POU6F2: variants seen among roughly 807,000 people sequenced by gnomAD.
POU6F2 encodes the protein POU class 6 homeobox 2.
A neutral mutation model predicts 71.3 loss-of-function variants in POU6F2; 31 were observed. The ratio of observed to expected loss-of-function variants is 0.43; its 90% confidence interval spans 0.33 to 0.59. The LOEUF (loss-of-function observed/expected upper bound fraction) is 0.59. POU6F2 is among the 20% of genes least tolerant of loss of function. POU6F2 has a pLI of 0.04. For synonymous variants in POU6F2, 347 were observed against 355.7 expected (o/e 0.98, Z 0.27); for missense variants, 783 against 856.8 (o/e 0.91, Z 1.07).
intron 1 of POU6F2, among the ~76,000 whole-genome samples, chr7:38,983,060 C>T (rs986475079): frequency 6.6e-6 from 1 of 152,080 alleles, no homozygotes; most frequent in African/African-American, 2.4e-5. Flanking sequence ...AAAAACTTCA[C>T]TTTTCAATTG....
chr7:39,460,015 G>T lies in POU6F2; in HGVS notation c.1490-532G>T, dbSNP rs1246788993. 2.6e-5 allele frequency among the ~76,000 whole-genome samples: 4 copies of T among 152,168 alleles called. No homozygotes were observed. The highest frequency in any genetic ancestry group is 5.9e-5 in the Non-Finnish European group (4 of 68,032). On this transcript the variant is annotated intron_variant, in intron 8 of 9. Transcript: ENST00000518318. This position sits in a 1 kb window ranked among gnomAD's most constrained non-coding sequence, Gnocchi z 4.4. Reference sequence around the variant, plus strand: ...GCTCTTCTGAGGGACTAATGTGAATGTAAGAAATTAGGCAACATTATCATC... The same window carrying T: ...GCTCTTCTGAGGGACTAATGTGAATTTAAGAAATTAGGCAACATTATCATC...
At chr7:39,099,255 A>G (rs919983275) in intron 2 of POU6F2, among the ~76,000 whole-genome samples, 1 of 152,204 alleles carries the variant, frequency 6.6e-6, no homozygotes, top group African/African-American at 2.4e-5. Context: ...TGGCCTTGAG[A>G]AGTGTTATGA....
chr7:38,993,228 T>C (rs1378548581), intron 1 of POU6F2, among the ~76,000 whole-genome samples: 1 of 152,098 alleles, frequency 6.6e-6, no homozygotes, highest in East Asian at 1.9e-4. Context: ...TACATATACA[T>C]ATATTCCTAT....
At chr7:39,340,802 AACTTAG>A (rs1785902031) in intron 5 of POU6F2, among the ~76,000 whole-genome samples, 1 of 32,482 alleles carries the variant, frequency 3.1e-5, no homozygotes. Context: ...AACCATTTTT[AACTTAG>A]GTGTCTTTAA....
chr7:39,006,261 TGAGGCCA>T (rs945465159), intron 1 of POU6F2, among the ~76,000 whole-genome samples: 6 of 152,032 alleles, frequency 3.9e-5, no homozygotes, highest in African/African-American at 1.4e-4. Flanking sequence ...GTCAGGAGTT[TGAGGCCA>T]GCCTGGCCAA....
At chr7:38,990,699 T>A (rs185655259) in intron 1 of POU6F2, among the ~76,000 whole-genome samples, 1 of 152,116 alleles carries the variant, frequency 6.6e-6, no homozygotes, top group African/African-American at 2.4e-5. Flanking sequence ...ATATATCTTA[T>A]ATCTTGTACC....
chr7:39,365,832 T>G (rs957175594), intron 5 of POU6F2, among the ~76,000 whole-genome samples: 6 of 152,162 alleles, frequency 3.9e-5, no homozygotes, highest in Non-Finnish European at 7.3e-5. Context: ...TCTAGGTGTG[T>G]GGGTAAAATG....
At chr7:39,334,490 C>T (rs1348742916) in intron 4 of POU6F2, among the ~76,000 whole-genome samples, 1 of 151,878 alleles carries the variant, frequency 6.6e-6, no homozygotes, top group African/African-American at 2.4e-5. Flanking sequence ...ACATATACCT[C>T]CTGAATCTAA....
At chr7:39,260,287 C>T (rs1438075832) in intron 4 of POU6F2, among the ~76,000 whole-genome samples, 3 of 149,724 alleles carry the variant, frequency 2.0e-5, no homozygotes, top group African/African-American at 7.4e-5. Flanking sequence ...ACCACACACA[C>T]TCTCCATACC....
intron 6 of POU6F2, among the ~76,000 whole-genome samples, chr7:39,428,330 G>A (rs1788019849): frequency 6.6e-6 from 1 of 152,208 alleles, no homozygotes; most frequent in Admixed American, 6.5e-5. Context: ...CAACAACCAA[G>A]TAAGTCCTGT....
chr7:39,045,683 A>G (rs1790278813), intron 1 of POU6F2, among the ~76,000 whole-genome samples: 1 of 151,812 alleles, frequency 6.6e-6, no homozygotes, highest in Admixed American at 6.6e-5. Context: ...CACTGTCTTC[A>G]TTCCAAAATG....
chr7:39,027,592 T>TTCAA (rs986330940), intron 1 of POU6F2, among the ~76,000 whole-genome samples: 39 of 152,334 alleles, frequency 2.6e-4, no homozygotes, highest in African/African-American at 8.2e-4. Flanking sequence ...GACTTTCAAT[T>TTCAA]TCAAGGAGTT....
At chr7:39,320,874 G>A (rs1785374922) in intron 4 of POU6F2, among the ~76,000 whole-genome samples, 1 of 152,194 alleles carries the variant, frequency 6.6e-6, no homozygotes, top group South Asian at 2.1e-4. Flanking sequence ...GGCCAACATA[G>A]TGAGACCCCA....
At chr7:39,138,224 TA>T (rs1331655362) in intron 2 of POU6F2, among the ~76,000 whole-genome samples, 2 of 152,262 alleles carry the variant, frequency 1.3e-5, no homozygotes, top group African/African-American at 4.8e-5. Flanking sequence ...AGAAATAAAT[TA>T]GGTGATGCAA....
intron 1 of POU6F2, among the ~76,000 whole-genome samples, chr7:39,052,799 A>G (rs1219548551): frequency 4.6e-5 from 7 of 152,178 alleles, no homozygotes; most frequent in African/African-American, 1.4e-4. Context: ...TTATTTATTC[A>G]TCCACTTGTT....
intron 2 of POU6F2, among the ~76,000 whole-genome samples, chr7:39,102,616 A>G (rs565074857): frequency 1.1e-4 from 16 of 152,324 alleles, no homozygotes; most frequent in African/African-American, 3.8e-4. Flanking sequence ...ATCTAGGGAC[A>G]GAGGTAAATA....
chr7:39,216,034 T>A (rs1794236326), intron 4 of POU6F2, among the ~76,000 whole-genome samples: 2 of 152,216 alleles, frequency 1.3e-5, no homozygotes, highest in African/African-American at 4.8e-5. Context: ...GCAGTGGCTC[T>A]TAAAGCTTCA....
intron 2 of POU6F2, among the ~76,000 whole-genome samples, chr7:39,121,436 GTGGCACAATTAAGAA>G (rs1267343807): frequency 2.0e-5 from 3 of 152,172 alleles, no homozygotes; most frequent in Non-Finnish European, 2.9e-5. Flanking sequence ...CCTTTGCCAG[GTGGCACAATTAAGAA>G]TGGCAGTTTA....
chr7:39,150,052 A>AT (rs1227101353), intron 2 of POU6F2, among the ~76,000 whole-genome samples: 6 of 151,636 alleles, frequency 4.0e-5, no homozygotes, highest in East Asian at 1.9e-4. Flanking sequence ...CGCCCAGCTA[A>AT]TTTTTTTTAT....
Sources: allele counts gnomAD v4.1 joint callset (sites outside exome capture counted in the v4.1 genomes callset), GRCh38; gene constraint gnomAD v4.1.1; non-coding constraint Gnocchi (gnomAD v3.1); transcripts MANE v1.5; gene names NCBI Gene and HGNC (gene_info 2026-07-23, HGNC 2026-07-21).